The following AKAP9 variants were observed in gnomAD, a reference collection of about 807,000 sequenced individuals.
AKAP9 encodes the protein A-kinase anchor protein 9.
In AKAP9, 311 loss-of-function variants were observed where a neutral mutation model predicts 488.5. The observed-to-expected ratio is 0.64, with a 90% CI of 0.58 to 0.70. AKAP9 has a LOEUF of 0.70. AKAP9 is among the 30% of genes least tolerant of loss of function. The probability of loss-of-function intolerance (pLI) is 0.00; values close to 1 mark genes in which losing one functional copy is unlikely to be tolerated. For synonymous variants in AKAP9, 1,462 were observed against 1,483.5 expected (o/e 0.99, Z 0.33); for missense variants, 4,215 against 4,374.5 (o/e 0.96, Z 1.03).
At position 92,079,749 on chromosome 7, in the gene AKAP9, A is replaced by T; in HGVS notation, c.7616A>T (p.Lys2539Met). 1 of 1,614,152 alleles carries T rather than the reference A, an allele frequency of 6.2e-7. No homozygotes were observed. Among genetic ancestry groups the T allele is most frequent in the Non-Finnish European group, 8.5e-7 (1 of 1,180,014 alleles). The change falls in exon 31 of 50, where the codon AAG (lysine) becomes ATG (methionine). Residue 2539 changes from lysine (K) to methionine (M), a missense_variant. Transcript: ENST00000356239. ...TTTGAAACAGAAATGCTTCAAAAGAAGATTGTAAACCTACAGAAAATAGTT... is the reference window on the plus strand; with the variant it reads ...TTTGAAACAGAAATGCTTCAAAAGATGATTGTAAACCTACAGAAAATAGTT... Reference protein sequence around the residue: ...GQFETEMLQKKIVNLQKIVEE... With the variant: ...GQFETEMLQKMIVNLQKIVEE...
chr7:91,988,297 CAAAAAAAAAAAAAA>C (rs5885797), intron 3 of AKAP9, among the ~76,000 whole-genome samples: 4 of 53,656 alleles, frequency 7.5e-5, no homozygotes, highest in Non-Finnish European at 1.4e-4. Flanking sequence ...GACCCCCTCT[CAAAAAAAAAAAAAA>C]AAAAAAAAAA....
chr7:92,039,960 A>G (rs1805796967), intron 17 of AKAP9, among the ~76,000 whole-genome samples: 1 of 152,120 alleles, frequency 6.6e-6, no homozygotes, highest in Admixed American at 6.6e-5. Context: ...GGGTGACACC[A>G]AGACTCCCTC....
intron 8 of AKAP9, among the ~76,000 whole-genome samples, chr7:92,009,732 A>G (rs747676290): frequency 6.6e-6 from 1 of 152,240 alleles, no homozygotes; most frequent in Non-Finnish European, 1.5e-5. Context: ...GATGAATCTT[A>G]CTTATGAGTG....
chr7:91,992,827 C>T, intron 4 of AKAP9, 58 bp from the exon 5 acceptor site: 1 of 1,510,210 alleles, frequency 6.6e-7, no homozygotes, highest in Non-Finnish European at 9.1e-7. Flanking sequence ...GTATTTGAAT[C>T]TCTCTCCCTA....
At chr7:92,089,612 A>G (rs1815195660) in intron 38 of AKAP9, 83 bp downstream of exon 38, 3 of 1,407,850 alleles carry the variant, frequency 2.1e-6, no homozygotes, top group Admixed American at 3.8e-5. Context: ...TTATTAAGTT[A>G]AAACATATTT....
chr7:92,089,704 A>G (rs942834817), intron 38 of AKAP9, 175 bp downstream of exon 38: 8 of 729,148 alleles, frequency 1.1e-5, no homozygotes, highest in African/African-American at 1.1e-4. Context: ...AGGATTGTCT[A>G]ATTGGTTTAA....
chr7:91,944,192 A>G (rs1031208798), intron 1 of AKAP9, among the ~76,000 whole-genome samples: 6 of 152,162 alleles, frequency 3.9e-5, no homozygotes, highest in Non-Finnish European at 8.8e-5. Context: ...AAATAATGCC[A>G]GGTTAAAAAG....
intron 1 of AKAP9, among the ~76,000 whole-genome samples, chr7:91,944,748 A>G (rs1254974219): frequency 6.6e-6 from 1 of 152,250 alleles, no homozygotes; most frequent in African/African-American, 2.4e-5. Context: ...AACACATGTT[A>G]TAGTGTATGA....
At position 92,012,661 on chromosome 7, in the gene AKAP9, T is replaced by A; in HGVS notation, c.3532+19T>A. The A allele has an allele frequency of 6.4e-7, 1 of 1,573,154 alleles. No homozygotes were observed. The highest frequency in any genetic ancestry group is 8.7e-7 in the Non-Finnish European group (1 of 1,144,394). On this transcript the variant is annotated intron_variant, in intron 9 of 49. Coordinates refer to ENST00000356239, the MANE Select transcript of AKAP9 (RefSeq NM_005751.5). Reference sequence around the variant, plus strand: ...GAAACAGGTAAAATGGTTTCTGACTTATAAGTACCATGATCCAAATAAGTA... The same window carrying A: ...GAAACAGGTAAAATGGTTTCTGACTAATAAGTACCATGATCCAAATAAGTA...
intron 13 of AKAP9, 94 bp from the exon 14 acceptor site, chr7:92,022,720 A>G (rs1802492043): frequency 1.1e-6 from 1 of 874,268 alleles, no homozygotes; most frequent in East Asian, 2.6e-5. Context: ...ACTTTTTCAA[A>G]AAAGAATTAA....
At chr7:92,089,271 A>T (rs1815119733) in intron 37 of AKAP9, 114 bp from the exon 38 acceptor site, 6 of 1,240,732 alleles carry the variant, frequency 4.8e-6, no homozygotes, top group Middle Eastern at 2.8e-4. Context: ...AAAATTTTTT[A>T]AAAAAGAAAA....
At chr7:91,971,851 G>A (rs558957883) in intron 1 of AKAP9, among the ~76,000 whole-genome samples, 3 of 151,922 alleles carry the variant, frequency 2.0e-5, no homozygotes, top group African/African-American at 7.2e-5. Flanking sequence ...TTACAGGTGT[G>A]AGCCACCGTG....
At chr7:92,062,596 A>G (rs1810070616) in intron 24 of AKAP9, 110 bp downstream of exon 24, 4 of 859,062 alleles carry the variant, frequency 4.7e-6, no homozygotes, top group Non-Finnish European at 7.3e-6. Context: ...TATATTTTAT[A>G]GAGAGATTTA....
intron 21 of AKAP9, among the ~76,000 whole-genome samples, chr7:92,050,163 C>G (rs914388207): frequency 6.6e-6 from 1 of 151,628 alleles, no homozygotes; most frequent in Non-Finnish European, 1.5e-5. Context: ...CTCCTGGATT[C>G]CAGTGATCCT....
intron 12 of AKAP9, among the ~76,000 whole-genome samples, chr7:92,019,038 A>T (rs968313333): frequency 6.6e-6 from 1 of 152,228 alleles, no homozygotes; most frequent in African/African-American, 2.4e-5. Flanking sequence ...GTCTTCTACC[A>T]TACTGAAATA....
chr7:91,960,107 A>G (rs952701856), intron 1 of AKAP9, among the ~76,000 whole-genome samples: 2 of 152,256 alleles, frequency 1.3e-5, no homozygotes, highest in Non-Finnish European at 2.9e-5. Flanking sequence ...ATATATAGTC[A>G]TCATAATTAG....
chr7:92,041,268 G>A (rs1806064566), intron 18 of AKAP9: 1 of 203,802 alleles, frequency 4.9e-6, no homozygotes, highest in Admixed American at 5.3e-5. Context: ...ATTGTGCTGA[G>A]GTGCTCCATT....
Position 91,950,668 on chromosome 7 carries a change from G to A in AKAP9, c.48+9521G>A, listed in dbSNP as rs558540064. 9.2e-5 allele frequency among the ~76,000 whole-genome samples: 14 copies of A among 152,292 alleles called. No homozygotes were observed. The East Asian group carries it at 2.7e-3, about 29-fold the overall frequency. On this transcript the variant is annotated intron_variant, in intron 1 of 49. Transcript: ENST00000356239. ...CAAATTTTGTGTGTGGAGACCTTGT[G>A]GGGATTGCAGTGGGCATGGGGCAGA... is the stretch of plus-strand genomic sequence containing the variant.
intron 36 of AKAP9, 87 bp downstream of exon 36, chr7:92,085,773 A>G (rs1814447485): frequency 1.9e-6 from 2 of 1,027,292 alleles, no homozygotes; most frequent in Non-Finnish European, 2.8e-6. Context: ...TCTTTTATAC[A>G]TATTTTTGCA....
Sources: allele counts gnomAD v4.1 joint callset (sites outside exome capture counted in the v4.1 genomes callset), GRCh38; gene constraint gnomAD v4.1.1; transcripts MANE v1.5; gene names NCBI Gene and HGNC (gene_info 2026-07-23, HGNC 2026-07-21).